GPHN: variants seen among roughly 807,000 people sequenced by gnomAD.
GPHN encodes the protein gephyrin.
In GPHN, 17 loss-of-function variants were observed where a neutral mutation model predicts 95.5. The ratio of observed to expected loss-of-function variants is 0.18; its 90% CI spans 0.12 to 0.27. GPHN has a LOEUF of 0.27. Among genes scored for constraint, GPHN ranks in the 10% least tolerant of loss-of-function variants. The pLI is 1.00. For missense variants in GPHN, 660 were observed against 978.1 expected (o/e 0.67, Z 4.34); for synonymous variants, 320 against 322.5 (o/e 0.99, Z 0.08).
At chr14:67,734,122 G>C in the GPHN span, 2 of 350,410 alleles carry the variant, frequency 5.7e-6, no homozygotes, top group Admixed American at 7.6e-5. Flanking sequence ...GCAGATCCCA[G>C]GCTGGGCATG....
chr14:67,580,611 G>C, the GPHN span, among the ~76,000 whole-genome samples: 27 of 152,346 alleles, frequency 1.8e-4, no homozygotes, highest in Non-Finnish European at 3.1e-4. Flanking sequence ...TGTTGAAGAG[G>C]AGAATAGCAG....
At chr14:67,620,128 G>A in the GPHN span, 7 of 1,451,180 alleles carry the variant, frequency 4.8e-6, no homozygotes, top group South Asian at 3.7e-5. Flanking sequence ...AGGATCCTCC[G>A]CCCCCTAGAA....
chr14:67,288,290 CAGACTGGTCTTGA>C, the GPHN span, among the ~76,000 whole-genome samples: 1 of 152,128 alleles, frequency 6.6e-6, no homozygotes, highest in East Asian at 1.9e-4. Flanking sequence ...CCATGTTGGC[CAGACTGGTCTTGA>C]ACTCCTGACC....
At chr14:67,481,682 G>A in the GPHN span, among the ~76,000 whole-genome samples, 1 of 152,168 alleles carries the variant, frequency 6.6e-6, no homozygotes, top group African/African-American at 2.4e-5. Context: ...TTAACTTTGA[G>A]CTAGGACAGG....
the GPHN span, chr14:67,656,501 A>G: frequency 6.2e-7 from 1 of 1,613,868 alleles, no homozygotes. Context: ...CTCTGTGGCA[A>G]TCCGATGAGA....
At chr14:66,770,279 GC>G (rs2059118077) in intron 2 of GPHN, among the ~76,000 whole-genome samples, 1 of 152,140 alleles carries the variant, frequency 6.6e-6, no homozygotes, top group South Asian at 2.1e-4. Flanking sequence ...TCTGTAGGTT[GC>G]CTGTTTAATC....
At chr14:67,558,845 C>T in the GPHN span, among the ~76,000 whole-genome samples, 1 of 152,224 alleles carries the variant, frequency 6.6e-6, no homozygotes, top group African/African-American at 2.4e-5. Flanking sequence ...TCTGTTGCAA[C>T]TGGTCAAAGC....
At chr14:66,936,008 A>G (rs1431351402) in intron 8 of GPHN, among the ~76,000 whole-genome samples, 2 of 152,198 alleles carry the variant, frequency 1.3e-5, no homozygotes, top group African/African-American at 2.4e-5. Flanking sequence ...CTACTCTGCT[A>G]TAGCACCTTT....
At chr14:67,062,165 T>C (rs2075852249) in intron 11 of GPHN, among the ~76,000 whole-genome samples, 1 of 152,160 alleles carries the variant, frequency 6.6e-6, no homozygotes, top group Non-Finnish European at 1.5e-5. Flanking sequence ...GAAAAAAAGG[T>C]AGAAGTTCAT....
the GPHN span, chr14:67,557,260 A>T: frequency 6.2e-7 from 1 of 1,612,888 alleles, no homozygotes; most frequent in Non-Finnish European, 8.5e-7. Flanking sequence ...AGATCATTGT[A>T]CTTTTCAGGT....
chr14:67,390,557 T>C, the GPHN span: 1 of 743,264 alleles, frequency 1.3e-6, no homozygotes, highest in Non-Finnish European at 2.4e-6. Flanking sequence ...TTACGGCGGG[T>C]GCCAGGGGAA....
chr14:67,143,869 C>T (rs901191795), intron 18 of GPHN, among the ~76,000 whole-genome samples: 5 of 151,978 alleles, frequency 3.3e-5, no homozygotes, highest in African/African-American at 1.2e-4. Flanking sequence ...ATGCTTAGCT[C>T]CCCTTCCCCA....
chr14:67,332,816 G>A, the GPHN span: 1 of 1,613,488 alleles, frequency 6.2e-7, no homozygotes, highest in East Asian at 2.2e-5. Context: ...GAAGACAAGA[G>A]AGATGGAGCA....
chr14:67,405,838 C>T, the GPHN span, among the ~76,000 whole-genome samples: 1 of 152,214 alleles, frequency 6.6e-6, no homozygotes, highest in Admixed American at 6.5e-5. Flanking sequence ...ACCCTACAGC[C>T]AGTCAAGCCT....
At chr14:66,689,654 T>G (rs2067645146) in intron 2 of GPHN, among the ~76,000 whole-genome samples, 1 of 152,192 alleles carries the variant, frequency 6.6e-6, no homozygotes, top group South Asian at 2.1e-4. Flanking sequence ...TTTGATAGAA[T>G]TCAACAGTGA....
chr14:66,617,381 G>T (rs60535068), intron 1 of GPHN, among the ~76,000 whole-genome samples: 2 of 151,012 alleles, frequency 1.3e-5, no homozygotes, highest in African/African-American at 2.5e-5. Flanking sequence ...CATGGGTTGC[G>T]CAGTTCTGTG....
At chr14:67,205,145 G>A in the GPHN span, 60 of 1,455,126 alleles carry the variant, frequency 4.1e-5, no homozygotes, top group Non-Finnish European at 5.2e-5. Context: ...AGGGGTTACC[G>A]AGATCACACT....
the GPHN span, chr14:67,360,374 C>G: frequency 1.5e-5 from 6 of 396,590 alleles, no homozygotes; most frequent in African/African-American, 1.0e-4. Flanking sequence ...GATCGGCGGC[C>G]GGTGAGGGGG....
chr14:66,835,485 T>C (rs1325593959), intron 4 of GPHN, among the ~76,000 whole-genome samples: 2 of 151,890 alleles, frequency 1.3e-5, no homozygotes, highest in African/African-American at 2.4e-5. Context: ...CCACAGCCAA[T>C]ATCATACTGA....
Sources: allele counts gnomAD v4.1 joint callset (sites outside exome capture counted in the v4.1 genomes callset), GRCh38; gene constraint gnomAD v4.1.1; transcripts MANE v1.5; gene names NCBI Gene and HGNC (gene_info 2026-07-23, HGNC 2026-07-21).